Variants in LMCD1 observed in about 807,000 individuals in gnomAD.
The protein encoded by LMCD1 is LIM and cysteine-rich domains protein 1.
Under a neutral mutation model 42.7 loss-of-function variants are expected in LMCD1, and 32 were observed. The ratio of observed to expected loss-of-function variants is 0.75; its 90% CI spans 0.57 to 1.01. The LOEUF is 1.01. LMCD1 is among the 50% of genes least tolerant of loss of function. LMCD1 has a pLI of 0.00. For missense variants in LMCD1, 458 were observed against 483.1 expected, an observed-to-expected ratio of 0.95 and a Z score of 0.49; for synonymous variants, 178 against 184.9, an observed-to-expected ratio of 0.96 and a Z score of 0.30.
At chr3:8,557,613 C>T (rs989103588) in intron 4 of LMCD1, among the ~76,000 whole-genome samples, 1 of 152,222 alleles carries the variant, frequency 6.6e-6, no homozygotes, top group Non-Finnish European at 1.5e-5. Context: ...AGTTCTTCAG[C>T]TGAGTAACCC....
At chr3:8,502,054 C>G in intron 1 of LMCD1, 74 bp downstream of exon 1, 2 of 1,425,544 alleles carry the variant, frequency 1.4e-6, no homozygotes, top group Non-Finnish European at 1.9e-6. Context: ...TTCGCGGAAA[C>G]TTCCCAAAAG....
At chr3:8,521,381 A>G (rs962936735) in intron 1 of LMCD1, among the ~76,000 whole-genome samples, 2 of 152,210 alleles carry the variant, frequency 1.3e-5, no homozygotes, top group African/African-American at 4.8e-5. Context: ...GCCTCGTTCC[A>G]TACTCCTCTT....
chr3:8,507,795 C>T (rs906756480), intron 1 of LMCD1, among the ~76,000 whole-genome samples: 2 of 152,174 alleles, frequency 1.3e-5, no homozygotes, highest in Non-Finnish European at 2.9e-5. Flanking sequence ...CTCTCTGACT[C>T]CAAAACTTCA....
chr3:8,546,494 G>A (rs915120398), intron 3 of LMCD1, among the ~76,000 whole-genome samples: 1 of 152,154 alleles, frequency 6.6e-6, no homozygotes. Flanking sequence ...GCAAAGAGAC[G>A]GCATGACATG....
intron 4 of LMCD1, chr3:8,551,306 G>C (rs1287255158): frequency 1.0e-6 from 1 of 985,306 alleles, no homozygotes; most frequent in East Asian, 1.1e-4. Flanking sequence ...TAAAAAATGG[G>C]ATCTATTTGG....
chr3:8,548,134 C>G (rs1185326777), intron 3 of LMCD1, among the ~76,000 whole-genome samples: 3 of 152,118 alleles, frequency 2.0e-5, no homozygotes, highest in African/African-American at 7.2e-5. Context: ...ATATGTGGCC[C>G]ATCGTGGACT....
At chr3:8,527,201 T>C (rs537222547) in intron 1 of LMCD1, among the ~76,000 whole-genome samples, 1 of 152,314 alleles carries the variant, frequency 6.6e-6, no homozygotes, top group Admixed American at 6.5e-5. Flanking sequence ...CAATAAATGT[T>C]AACTATGATC....
intron 3 of LMCD1, among the ~76,000 whole-genome samples, chr3:8,544,898 G>T (rs1225168220): frequency 6.6e-6 from 1 of 152,144 alleles, no homozygotes; most frequent in African/African-American, 2.4e-5. Flanking sequence ...TGAGCAATTT[G>T]CCTCTCACGG....
intron 1 of LMCD1, among the ~76,000 whole-genome samples, chr3:8,528,756 G>C (rs754463840): frequency 1.3e-4 from 19 of 151,914 alleles, no homozygotes; most frequent in Non-Finnish European, 2.5e-4. Context: ...ATTGTTCTTG[G>C]TGACATTTTT....
chr3:8,532,795 C>T lies in LMCD1; in HGVS notation c.101C>T (p.Thr34Met), dbSNP rs775362437. The T allele has an allele frequency of 1.8e-5, 29 of 1,613,344 alleles. No individual in the cohort carries two copies. The highest frequency in any genetic ancestry group is 1.2e-4 in the Admixed American group (7 of 59,924). Reference protein sequence around the residue: ...RGVACLGCKGTCSGFEPHSWR... With the variant: ...RGVACLGCKGMCSGFEPHSWR... Reference sequence around the variant, plus strand: ...GTGGCATGTTTGGGATGCAAGGGGACGTGTTCGGGCTTCGAGCCACATTCA... The same window carrying T: ...GTGGCATGTTTGGGATGCAAGGGGATGTGTTCGGGCTTCGAGCCACATTCA... The change falls in exon 2 of 6, where the codon ACG (threonine) becomes ATG (methionine). Residue 34 changes from threonine (T) to methionine (M), a missense_variant. Coordinates refer to ENST00000157600, the MANE Select transcript of LMCD1 (RefSeq NM_014583.4).
intron 1 of LMCD1, among the ~76,000 whole-genome samples, chr3:8,527,159 G>A (rs1007494904): frequency 2.6e-4 from 40 of 152,334 alleles, no homozygotes; most frequent in African/African-American, 9.4e-4. Flanking sequence ...TCATGAAAAT[G>A]TTTGGCATGT....
chr3:8,561,285 G>T (rs967108594), intron 4 of LMCD1, among the ~76,000 whole-genome samples: 1 of 152,110 alleles, frequency 6.6e-6, no homozygotes, highest in African/African-American at 2.4e-5. Flanking sequence ...AGCCAAAATT[G>T]CAATATCATG....
chr3:8,508,203 C>G (rs920272419), intron 1 of LMCD1, among the ~76,000 whole-genome samples: 1 of 152,190 alleles, frequency 6.6e-6, no homozygotes, highest in Non-Finnish European at 1.5e-5. Flanking sequence ...TGTCCCAGAG[C>G]TTTCAGGAAA....
chr3:8,530,387 G>A (rs1032296545), intron 1 of LMCD1, among the ~76,000 whole-genome samples: 23 of 152,296 alleles, frequency 1.5e-4, no homozygotes, highest in Admixed American at 1.2e-3. Context: ...CCGCATCACC[G>A]GCGAGTGCTC....
chr3:8,502,373 A>T (rs184831), intron 1 of LMCD1, among the ~76,000 whole-genome samples: 3 of 68,096 alleles, frequency 4.4e-5, no homozygotes, highest in African/African-American at 6.7e-5. Flanking sequence ...TATATAAAAT[A>T]TATATAATAT....
chr3:8,550,026 G>C (rs748049353), intron 4 of LMCD1: 120 of 1,512,766 alleles, frequency 7.9e-5, no homozygotes, highest in Non-Finnish European at 1.0e-4. Flanking sequence ...CAACCTGAGT[G>C]TTTGGAGGGG....
intron 1 of LMCD1, among the ~76,000 whole-genome samples, chr3:8,532,194 C>CAAAGGAGATTTTGAG (rs1352539711): frequency 6.6e-6 from 1 of 152,180 alleles, no homozygotes; most frequent in Non-Finnish European, 1.5e-5. Flanking sequence ...GTTCTCCTTC[C>CAAAGGAGATTTTGAG]AAAGGAGATT....
chr3:8,528,983 G>A (rs1445799980), intron 1 of LMCD1, among the ~76,000 whole-genome samples: 1 of 152,048 alleles, frequency 6.6e-6, no homozygotes, highest in Non-Finnish European at 1.5e-5. Context: ...TTCTGTTCTC[G>A]GGAGAAAGGA....
chr3:8,571,807 T>TA lies in LMCD1; in HGVS notation c.*4210dup, dbSNP rs1383729332. Reference sequence around the variant, plus strand: ...TTTTCTTTTGATAGAATGTCAAACTTACGAAAAAAGTTACAAGAAGAGAAC... The same window carrying TA: ...TTTTCTTTTGATAGAATGTCAAACTTAACGAAAAAAGTTACAAGAAGAGAAC... On this transcript the variant is annotated 3_prime_UTR_variant, in exon 6 of 6. Transcript: ENST00000157600. 1.3e-5 allele frequency: 2 copies of TA among 152,232 alleles called. No individual in the cohort carries two copies. The highest frequency in any genetic ancestry group is 4.8e-5 in the African/African-American group (2 of 41,462). 9.4% of individuals were successfully genotyped at this position (152,232 alleles called of 1,614,324 possible).
Sources: gnomAD v4.1 joint callset for allele counts (sites outside exome capture counted in the v4.1 genomes callset) on GRCh38, gnomAD v4.1.1 for gene constraint, MANE v1.5 for transcripts, NCBI Gene and HGNC (gene_info 2026-07-23, HGNC 2026-07-21) for gene names.